The following ARMC9 variants were observed in gnomAD, a reference collection of about 807,000 sequenced individuals.
ARMC9 encodes the protein lisH domain-containing protein ARMC9.
ARMC9 carries 94 observed loss-of-function variants against 107.0 expected under a neutral mutation model. The observed-to-expected ratio is 0.88, with a 90% CI of 0.74 to 1.04. The LOEUF is 1.04. Among genes scored for constraint, ARMC9 ranks in the 50% least tolerant of loss-of-function variants. ARMC9 has a pLI of 0.00. For missense variants in ARMC9, 942 were observed against 1,030.1 expected, an observed-to-expected ratio of 0.91 and a Z score of 1.17; for synonymous variants, 380 against 396.9, an observed-to-expected ratio of 0.96 and a Z score of 0.51.
intron 5 of ARMC9, among the ~76,000 whole-genome samples, chr2:231,218,235 A>G (rs1166780668): frequency 6.6e-6 from 1 of 152,128 alleles, no homozygotes; most frequent in Non-Finnish European, 1.5e-5. Flanking sequence ...TTTTTTCTTG[A>G]TCATTCTAGA....
At chr2:231,363,198 G>C (rs1042241469) in intron 23 of ARMC9, among the ~76,000 whole-genome samples, 6 of 152,360 alleles carry the variant, frequency 3.9e-5, no homozygotes, top group Admixed American at 3.3e-4. Flanking sequence ...CCTGGCCTAG[G>C]TGGTTAGAGT....
chr2:231,220,265 A>T (rs1038050108), intron 5 of ARMC9, among the ~76,000 whole-genome samples: 1 of 151,682 alleles, frequency 6.6e-6, no homozygotes, highest in Non-Finnish European at 1.5e-5. Flanking sequence ...ACATTTTTAT[A>T]GTCTCTCATT....
intron 19 of ARMC9, among the ~76,000 whole-genome samples, chr2:231,324,123 C>CTTTTTTTTTTTTTTTTTTTTT (rs71296842): frequency 2.2e-5 from 2 of 89,272 alleles, no homozygotes; most frequent in African/African-American, 4.6e-5. Context: ...TTGTAAAGTA[C>CTTTTTTTTTTTTTTTTTTTTT]TTTTTTTTTT....
chr2:231,298,392 AG>A (rs1324752001), intron 19 of ARMC9, among the ~76,000 whole-genome samples: 3 of 152,152 alleles, frequency 2.0e-5, no homozygotes, highest in South Asian at 4.1e-4. Flanking sequence ...TCAAAGTTGG[AG>A]GGAAAAAAGA....
rs556055831 is a variant in ARMC9 at position 231,205,042 on chromosome 2, G to A, written c.-41-1156G>A. On this transcript the variant is annotated intron_variant, in intron 1 of 24. Coordinates refer to ENST00000611582, the MANE Select transcript of ARMC9 (RefSeq NM_001352754.2). ...GAAGTGGAGAGAAAGGAGGTGGGGA[G>A]GCAGTGGCAGAAAAATGTAAGGTTA... is the stretch of plus-strand genomic sequence containing the variant. Among the ~76,000 whole-genome samples, 6 of 152,126 alleles carry A rather than the reference G, an allele frequency of 3.9e-5. No homozygotes were observed. The East Asian group carries it at 1.2e-3, about 29-fold the overall frequency.
chr2:231,371,593 A>G lies in ARMC9; in HGVS notation c.*58A>G. On this transcript the variant is annotated 3_prime_UTR_variant, in exon 25 of 25. Coordinates refer to ENST00000611582, the MANE Select transcript of ARMC9 (RefSeq NM_001352754.2). Reference sequence around the variant, plus strand: ...GAGGACCAGCCAGCTTCCCGCTCTCAGCTGGCAGCAGCTGCCGGTGATGGA... The same window carrying G: ...GAGGACCAGCCAGCTTCCCGCTCTCGGCTGGCAGCAGCTGCCGGTGATGGA... The G allele has an allele frequency of 1.6e-6, 2 of 1,222,980 alleles. No individual in the cohort carries two copies. The highest frequency in any genetic ancestry group is 2.0e-6 in the Non-Finnish European group (2 of 978,126). 75.8% of individuals were successfully genotyped at this position (1,222,980 alleles called of 1,614,324 possible).
Position 231,296,202 on chromosome 2 carries a change from G to T in ARMC9, c.1722G>T (p.Glu574Asp). The change falls in exon 19 of 25, where the codon GAG becomes GAT. Residue 574 changes from glutamate to aspartate, a missense_variant. Physicochemically the swap from Glu to Asp is conservative, Grantham distance 45. Coordinates refer to ENST00000611582, the MANE Select transcript of ARMC9 (RefSeq NM_001352754.2). The stretch of plus-strand genomic sequence containing the variant: ...TGATTCTTTTTTTCTTTATAGAAGA[G>T]CTACCAGATGGTGTTCTTGAATCTG... ...EFIIKQLNSE[E>D]LPDGVLESDD... is the part of the protein sequence containing the mutation. The T allele has an allele frequency of 6.2e-7, 1 of 1,612,418 alleles. No homozygotes were observed. The highest frequency in any genetic ancestry group is 8.5e-7 in the Non-Finnish European group (1 of 1,179,058).
rs536967790 is a variant in ARMC9, at chr2:231,373,627, A to C, written c.*2092A>C. ...AATACACTGAGATTAGGCCGGGCAC[A>C]GTGGCTCACACCTGTAATCCCAGTG... On this transcript the variant is annotated 3_prime_UTR_variant, in exon 25 of 25. Transcript: ENST00000611582. This position sits in a 1 kb window ranked among gnomAD's most constrained non-coding sequence, Gnocchi z 4.4. 9 of 152,346 alleles carry C rather than the reference A, an allele frequency of 5.9e-5. No individual in the cohort carries two copies. The highest frequency in any genetic ancestry group is 1.9e-4 in the African/African-American group (8 of 41,566). The allele number at this position is 152,346 out of a possible 1,614,324, so 9.4% of individuals were successfully genotyped here.
intron 12 of ARMC9, among the ~76,000 whole-genome samples, chr2:231,268,059 A>G (rs1272556908): frequency 6.6e-6 from 1 of 152,218 alleles, no homozygotes; most frequent in Non-Finnish European, 1.5e-5. Flanking sequence ...CCCTGGGTGA[A>G]TATCACAGAC....
At chr2:231,337,270 G>A (rs1575125323) in intron 20 of ARMC9, among the ~76,000 whole-genome samples, 1 of 76,404 alleles carries the variant, frequency 1.3e-5, no homozygotes, top group East Asian at 3.3e-4. Flanking sequence ...ACGTGTGTGT[G>A]TATATATATA....
rs972450018 is a variant in ARMC9 at position 231,255,354 on chromosome 2, G to A, written c.880-1232G>A. 1.3e-5 allele frequency among the ~76,000 whole-genome samples: 2 copies of A among 152,002 alleles called. No individual in the cohort carries two copies. The highest frequency in any genetic ancestry group is 1.3e-4 in the Admixed American group (2 of 15,254). On this transcript the variant is annotated intron_variant, in intron 9 of 24. Coordinates refer to ENST00000611582, the MANE Select transcript of ARMC9 (RefSeq NM_001352754.2). This position sits in a 1 kb window ranked among gnomAD's most constrained non-coding sequence, Gnocchi z 4.7. Reference sequence around the variant, plus strand: ...ACACGTGTAGAAAATGTTTGACTTGGTACAAAGTGCACATTTTTATACTTG... The same window carrying A: ...ACACGTGTAGAAAATGTTTGACTTGATACAAAGTGCACATTTTTATACTTG...
chr2:231,320,913 A>T (rs1440775476), intron 19 of ARMC9, among the ~76,000 whole-genome samples: 7 of 152,176 alleles, frequency 4.6e-5, no homozygotes, highest in Admixed American at 3.3e-4. Flanking sequence ...AAAATGATAG[A>T]TGCATGGTTA....
Position 231,360,746 on chromosome 2 carries a change from C to T in ARMC9, c.2132-8C>T. ...GATGTGGACTGAACTTTCTCTCCTC[C>T]TCCCCAGCAGCCATCATCGCCAAGC... On this transcript the variant is annotated splice_polypyrimidine_tract_variant and splice_region_variant and intron_variant, in intron 22 of 24. Transcript: ENST00000611582. The surrounding 1 kb of genome is among the most constrained non-coding windows in gnomAD (Gnocchi z 4.7). The T allele has an allele frequency of 6.5e-7, 1 of 1,536,160 alleles. No individual in the cohort carries two copies. Among genetic ancestry groups the T allele is most frequent in the Non-Finnish European group, 8.7e-7 (1 of 1,146,914 alleles).
Position 231,371,801 on chromosome 2 carries a change from C to G in ARMC9, c.*266C>G. 1 of 380,196 alleles carries G rather than the reference C, an allele frequency of 2.6e-6. No homozygotes were observed. The allele number at this position is 380,196 out of a possible 1,614,324, so 23.6% of individuals were successfully genotyped here. ...TGGAGAGGGGAATTTCCTGCTCACC[C>G]TTCACACACAGAGGAGAGGGGTGGC... On this transcript the variant is annotated 3_prime_UTR_variant, in exon 25 of 25. Coordinates refer to ENST00000611582, the MANE Select transcript of ARMC9 (RefSeq NM_001352754.2).
chr2:231,352,699 A>ATAGATAGATGATAGGTAGG (rs2045148755), intron 21 of ARMC9, among the ~76,000 whole-genome samples: 1 of 150,884 alleles, frequency 6.6e-6, no homozygotes, highest in Non-Finnish European at 1.5e-5. Context: ...AGATAGATAG[A>ATAGATAGATGATAGGTAGG]TAGATAGATG....
At chr2:231,337,286 ATATATTTTTTTTT>A (rs1260949508) in intron 20 of ARMC9, among the ~76,000 whole-genome samples, 2,839 of 59,414 alleles carry the variant, frequency 0.048, 30 homozygotes, top group Non-Finnish European at 0.065. Flanking sequence ...ATATATATAT[ATATATTTTTTTTT>A]TTTTTTTTTT....
At chr2:231,281,971 C>A in intron 16 of ARMC9, 88 bp from the exon 17 acceptor site, 2 of 1,294,006 alleles carry the variant, frequency 1.5e-6, no homozygotes, top group Non-Finnish European at 2.2e-6. Context: ...TCCCCATTTG[C>A]CAGATTGTTC....
chr2:231,305,984 A>C (rs990656051), intron 19 of ARMC9, among the ~76,000 whole-genome samples: 8 of 152,206 alleles, frequency 5.3e-5, no homozygotes, highest in African/African-American at 1.7e-4. Context: ...TCAAAATTGC[A>C]CTCCAACTTA....
In ARMC9 at chr2:231,242,258, A is replaced by G. The variant is rs1190341064; in HGVS notation, c.879+2217A>G. On this transcript the variant is annotated intron_variant, in intron 9 of 24. Coordinates refer to ENST00000611582, the MANE Select transcript of ARMC9 (RefSeq NM_001352754.2). Reference sequence around the variant, plus strand: ...GGGTCAGCAGTTTGTATGGATCTTCATAGAAGGCACGTAGTCATGTGCTGA... The same window carrying G: ...GGGTCAGCAGTTTGTATGGATCTTCGTAGAAGGCACGTAGTCATGTGCTGA... Among the ~76,000 whole-genome samples the G allele has an allele frequency of 5.3e-5, 8 of 151,688 alleles. No homozygotes were observed. In the South Asian group the frequency reaches 1.0e-3, roughly 20 times the overall value.
Sources: gnomAD v4.1 joint callset for allele counts (sites outside exome capture counted in the v4.1 genomes callset) on GRCh38, gnomAD v4.1.1 for gene constraint, Gnocchi (gnomAD v3.1) non-coding constraint, MANE v1.5 for transcripts, NCBI Gene and HGNC (gene_info 2026-07-23, HGNC 2026-07-21) for gene names.